CEP85L: variants seen among roughly 807,000 people sequenced by gnomAD.
The protein encoded by CEP85L is centrosomal protein 85L.
Under a neutral mutation model 100.3 loss-of-function variants are expected in CEP85L, and 60 were observed. The observed-to-expected ratio is 0.60, with a 90% CI of 0.49 to 0.74. The LOEUF (loss-of-function observed/expected upper bound fraction) is 0.74, where lower values mean the gene tolerates loss of function less well. Ranked by LOEUF, CEP85L falls within the 30% of genes least tolerant of loss-of-function variation. The pLI, the probability that CEP85L is intolerant of heterozygous loss-of-function variation, is 0.00. For synonymous variants in CEP85L, 319 were observed against 322.7 expected, an observed-to-expected ratio of 0.99 and a Z score of 0.12; for missense variants, 973 against 936.2, an observed-to-expected ratio of 1.04 and a Z score of -0.51.
At chr6:118,613,371 A>G (rs1772784924) in intron 2 of CEP85L, among the ~76,000 whole-genome samples, 2 of 152,190 alleles carry the variant, frequency 1.3e-5, no homozygotes, top group African/African-American at 4.8e-5. Flanking sequence ...AAACAAATGC[A>G]ACGCATCCAA....
At chr6:118,489,942 T>C (rs1387881084) in intron 6 of CEP85L, among the ~76,000 whole-genome samples, 1 of 151,110 alleles carries the variant, frequency 6.6e-6, no homozygotes, top group African/African-American at 2.4e-5. Context: ...CACACACACA[T>C]ATATACACAT....
chr6:118,672,405 T>C (rs1776335907), intron 1 of CEP85L, among the ~76,000 whole-genome samples: 1 of 152,174 alleles, frequency 6.6e-6, no homozygotes, highest in African/African-American at 2.4e-5. Context: ...ATATTGACTA[T>C]GTACTCAGAT....
chr6:118,510,018 T>C (rs1775877929), intron 5 of CEP85L, among the ~76,000 whole-genome samples: 1 of 152,064 alleles, frequency 6.6e-6, no homozygotes, highest in Non-Finnish European at 1.5e-5. Flanking sequence ...GTAGACACTG[T>C]CTTACCTACA....
At chr6:118,500,144 AT>A (rs35859677) in intron 5 of CEP85L, among the ~76,000 whole-genome samples, 8 of 148,776 alleles carry the variant, frequency 5.4e-5, no homozygotes, top group South Asian at 2.1e-4. Flanking sequence ...CTACTAAAGT[AT>A]TTTTTTTTTT....
At chr6:118,558,969 A>C in intron 3 of CEP85L, 1 of 1,613,334 alleles carries the variant, frequency 6.2e-7, no homozygotes. Flanking sequence ...GAAGAGCCTC[A>C]ACCATTGAAA....
intron 1 of CEP85L, among the ~76,000 whole-genome samples, chr6:118,636,959 T>C (rs1774530808): frequency 6.6e-6 from 1 of 152,180 alleles, no homozygotes; most frequent in Non-Finnish European, 1.5e-5. Flanking sequence ...TTCAATACAA[T>C]ATTGGGAAAA....
chr6:118,548,580 A>G (rs913092075), intron 3 of CEP85L, among the ~76,000 whole-genome samples: 44 of 152,098 alleles, frequency 2.9e-4, no homozygotes, highest in African/African-American at 1.0e-3. Context: ...AGGAAAAATG[A>G]GACAACTTTG....
At chr6:118,675,937 G>A (rs1776467971) in intron 1 of CEP85L, among the ~76,000 whole-genome samples, 1 of 152,126 alleles carries the variant, frequency 6.6e-6, no homozygotes, top group Non-Finnish European at 1.5e-5. Flanking sequence ...ATTTCAAAGA[G>A]AATGAACAAT....
At chr6:118,491,612 G>A (rs183831956) in intron 6 of CEP85L, 74 bp downstream of exon 6, 10 of 1,541,740 alleles carry the variant, frequency 6.5e-6, no homozygotes, top group African/African-American at 1.4e-5. Flanking sequence ...CACCTGACAG[G>A]GTAAATGACA....
chr6:118,589,380 T>G (rs897199651), intron 2 of CEP85L: 2 of 247,556 alleles, frequency 8.1e-6, no homozygotes, highest in Non-Finnish European at 1.8e-5. Context: ...TTCGGCATGC[T>G]ACAAGGGAAC....
At chr6:118,500,518 A>C (rs148965444) in intron 5 of CEP85L, among the ~76,000 whole-genome samples, 333 of 152,334 alleles carry the variant, frequency 2.2e-3, no homozygotes, top group African/African-American at 7.3e-3. Context: ...ACTGATAATT[A>C]CTCAACAATC....
intron 1 of CEP85L, among the ~76,000 whole-genome samples, chr6:118,663,199 A>G (rs73768508): frequency 0.03 from 4,619 of 152,320 alleles, 243 homozygotes; most frequent in African/African-American, 0.1. Flanking sequence ...GCAACTTGGC[A>G]ATATGTGCCA....
At chr6:118,551,704 T>C (rs1228024975) in intron 3 of CEP85L, among the ~76,000 whole-genome samples, 1 of 152,026 alleles carries the variant, frequency 6.6e-6, no homozygotes, top group Non-Finnish European at 1.5e-5. Flanking sequence ...TGAGAATATA[T>C]TGATTTTTAT....
At chr6:118,497,560 C>T (rs768830538) in intron 5 of CEP85L, among the ~76,000 whole-genome samples, 18 of 152,130 alleles carry the variant, frequency 1.2e-4, no homozygotes, top group Non-Finnish European at 2.2e-4. Flanking sequence ...CCAAACCACA[C>T]CCCCTCCCCA....
At chr6:118,699,192 C>T (rs551589213) in intron 1 of CEP85L, among the ~76,000 whole-genome samples, 4 of 152,216 alleles carry the variant, frequency 2.6e-5, no homozygotes, top group South Asian at 4.1e-4. Flanking sequence ...GTGGCTCATG[C>T]CTATAATCCC....
intron 3 of CEP85L, among the ~76,000 whole-genome samples, chr6:118,537,011 T>A (rs1227291267): frequency 6.6e-5 from 10 of 152,160 alleles, no homozygotes; most frequent in Admixed American, 6.5e-4. Context: ...AATATACATC[T>A]TGACAATATC....
intron 2 of CEP85L, among the ~76,000 whole-genome samples, chr6:118,573,681 TATAG>T (rs968929933): frequency 2.6e-5 from 4 of 152,162 alleles, no homozygotes; most frequent in African/African-American, 4.8e-5. Context: ...TGATTACCAT[TATAG>T]ATAGATGGGT....
intron 6 of CEP85L, among the ~76,000 whole-genome samples, chr6:118,485,840 A>G (rs1441946954): frequency 6.6e-6 from 1 of 152,260 alleles, no homozygotes; most frequent in East Asian, 1.9e-4. Context: ...TGTACATTAC[A>G]GAGGTAAACA....
intron 5 of CEP85L, among the ~76,000 whole-genome samples, chr6:118,504,422 A>T (rs1032047110): frequency 7.3e-5 from 11 of 151,338 alleles, no homozygotes; most frequent in African/African-American, 1.5e-4. Context: ...GCTTACATTT[A>T]AAAAAAAATA....
Sources: allele counts gnomAD v4.1 joint callset (sites outside exome capture counted in the v4.1 genomes callset), GRCh38; gene constraint gnomAD v4.1.1; transcripts MANE v1.5; gene names NCBI Gene and HGNC (gene_info 2026-07-23, HGNC 2026-07-21).